Variants in RASGRF2 observed in about 807,000 individuals in gnomAD.
RASGRF2 encodes the protein Ras protein specific guanine nucleotide releasing factor 2.
RASGRF2 carries 76 observed loss-of-function variants against 151.0 expected under a neutral mutation model. That is an observed-to-expected ratio of 0.50 (90% CI 0.42 to 0.61). The LOEUF is 0.61. Ranked by LOEUF, RASGRF2 falls within the 20% of genes least tolerant of loss-of-function variation. RASGRF2 has a pLI of 0.00. For missense variants in RASGRF2, 1,148 were observed against 1,564.6 expected, an observed-to-expected ratio of 0.73 and a Z score of 4.49; for synonymous variants, 504 against 566.5, an observed-to-expected ratio of 0.89 and a Z score of 1.57.
intron 1 of RASGRF2, among the ~76,000 whole-genome samples, chr5:80,983,730 T>C (rs1748386878): frequency 6.6e-6 from 1 of 152,244 alleles, no homozygotes; most frequent in Non-Finnish European, 1.5e-5. Context: ...GTGCTTTGTG[T>C]ATACTTACAC....
Position 81,161,090 on chromosome 5 carries a change from G to C in RASGRF2, c.2687-19085G>C, listed in dbSNP as rs765786434. Among the ~76,000 whole-genome samples the C allele has an allele frequency of 1.1e-3, 161 of 152,126 alleles. 2 individuals carry two copies. The highest frequency in any genetic ancestry group is 2.8e-3 in the Admixed American group (43 of 15,270). ...TAACTTATCTGATGCTGAAGGAATTGTCCATACTTTCTGAGGATTATGTTG... is the reference window on the plus strand; with the variant it reads ...TAACTTATCTGATGCTGAAGGAATTCTCCATACTTTCTGAGGATTATGTTG... On this transcript the variant is annotated intron_variant, in intron 17 of 26. Transcript: ENST00000265080.
In RASGRF2 at chr5:81,131,370, G is replaced by A. The variant is rs73128841; in HGVS notation, c.2686+4207G>A. Among the ~76,000 whole-genome samples the A allele has an allele frequency of 3.9e-3, 599 of 152,008 alleles. 5 individuals carry two copies. Among genetic ancestry groups the A allele is most frequent in the African/African-American group, 0.014 (563 of 41,482 alleles). The stretch of plus-strand genomic sequence containing the variant: ...TGGTTTTCAATCTTTTTGGGGGGTC[G>A]GGGGAACAAAGTCTCGCTTTATCAC... On this transcript the variant is annotated intron_variant, in intron 17 of 26. Coordinates refer to ENST00000265080, the MANE Select transcript of RASGRF2 (RefSeq NM_006909.3).
At chr5:80,974,769 T>C (rs1429279111) in intron 1 of RASGRF2, among the ~76,000 whole-genome samples, 2 of 152,208 alleles carry the variant, frequency 1.3e-5, no homozygotes, top group African/African-American at 4.8e-5. Context: ...ACAAAGACTC[T>C]GTGGCAGCAA....
At chr5:81,005,601 A>G (rs1236023521) in intron 1 of RASGRF2, among the ~76,000 whole-genome samples, 1 of 152,296 alleles carries the variant, frequency 6.6e-6, no homozygotes, top group Admixed American at 6.5e-5. Context: ...AAAAAATCCC[A>G]TTGTATGGAT....
At chr5:81,224,107 T>C (rs997474100) in intron 26 of RASGRF2, among the ~76,000 whole-genome samples, 1 of 152,136 alleles carries the variant, frequency 6.6e-6, no homozygotes, top group Admixed American at 6.6e-5. Context: ...TAAAAGTGTT[T>C]CCATAATCTA....
intron 18 of RASGRF2, among the ~76,000 whole-genome samples, chr5:81,189,711 C>CTTTT (rs369630375): frequency 0.016 from 1,975 of 120,792 alleles, 80 homozygotes; most frequent in African/African-American, 0.04. Context: ...GGCCTATATA[C>CTTTT]TTTTTTTTTT....
At chr5:81,001,295 G>A (rs1749072098) in intron 1 of RASGRF2, among the ~76,000 whole-genome samples, 1 of 152,136 alleles carries the variant, frequency 6.6e-6, no homozygotes, top group South Asian at 2.1e-4. Flanking sequence ...GGTACTAGGA[G>A]CTAATGAGGC....
chr5:81,158,906 C>T (rs915708349), intron 17 of RASGRF2, among the ~76,000 whole-genome samples: 1 of 152,062 alleles, frequency 6.6e-6, no homozygotes, highest in African/African-American at 2.4e-5. Flanking sequence ...ATAAGCTTAC[C>T]GTAGAATCTA....
chr5:81,055,323 G>A (rs1751161252), intron 2 of RASGRF2, among the ~76,000 whole-genome samples: 1 of 152,238 alleles, frequency 6.6e-6, no homozygotes, highest in Non-Finnish European at 1.5e-5. Flanking sequence ...TTTATTGAGA[G>A]TTTTTAGCAT....
intron 1 of RASGRF2, among the ~76,000 whole-genome samples, chr5:80,988,112 A>G (rs1035443804): frequency 1.3e-5 from 2 of 151,070 alleles, no homozygotes; most frequent in African/African-American, 4.9e-5. Flanking sequence ...GTGCAGTGGC[A>G]TGATCTTGGC....
intron 23 of RASGRF2, among the ~76,000 whole-genome samples, chr5:81,213,667 G>A (rs1467912948): frequency 1.3e-5 from 2 of 151,996 alleles, no homozygotes; most frequent in Non-Finnish European, 2.9e-5. Flanking sequence ...CTTTAGCATA[G>A]GAGAACAATT....
At chr5:81,192,474 A>T (rs1368906834) in intron 18 of RASGRF2, among the ~76,000 whole-genome samples, 1 of 152,044 alleles carries the variant, frequency 6.6e-6, no homozygotes, top group Non-Finnish European at 1.5e-5. Context: ...ATGCCAGAAA[A>T]CCCTACCCTT....
At chr5:81,056,466 C>A (rs953203356) in intron 2 of RASGRF2, among the ~76,000 whole-genome samples, 9 of 152,218 alleles carry the variant, frequency 5.9e-5, no homozygotes, top group South Asian at 2.1e-4. Flanking sequence ...CCTGAGTTCT[C>A]GTTTGATTGC....
chr5:81,166,587 G>T (rs554039849), intron 17 of RASGRF2, among the ~76,000 whole-genome samples: 2 of 152,242 alleles, frequency 1.3e-5, no homozygotes, highest in South Asian at 2.1e-4. Flanking sequence ...TGTCACATGT[G>T]AGGGAGTGGC....
chr5:81,034,499 C>A (rs1172721920), intron 1 of RASGRF2, among the ~76,000 whole-genome samples: 1 of 151,918 alleles, frequency 6.6e-6, no homozygotes, highest in African/African-American at 2.4e-5. Context: ...CACATGCACA[C>A]GTATGTTTAT....
chr5:81,191,849 C>T (rs974925520), intron 18 of RASGRF2, among the ~76,000 whole-genome samples: 1 of 152,150 alleles, frequency 6.6e-6, no homozygotes, highest in African/African-American at 2.4e-5. Flanking sequence ...CATTCAAATG[C>T]AGAGTCATTT....
At chr5:80,982,385 G>A (rs1748329955) in intron 1 of RASGRF2, among the ~76,000 whole-genome samples, 1 of 152,038 alleles carries the variant, frequency 6.6e-6, no homozygotes, top group Non-Finnish European at 1.5e-5. Flanking sequence ...TTGTGGTCAG[G>A]GAGGGTTACA....
Position 81,188,828 on chromosome 5 carries a change from G to C in RASGRF2, c.2793+8547G>C, listed in dbSNP as rs184407262. ...AGCAGGTTTCAGTCCCCGCCGTCTG[G>C]CTGCACAGTTTTTGCCGGGAACCCC... is the stretch of plus-strand genomic sequence containing the variant. On this transcript the variant is annotated intron_variant, in intron 18 of 26. Coordinates refer to ENST00000265080, the MANE Select transcript of RASGRF2 (RefSeq NM_006909.3). 1.3e-3 allele frequency among the ~76,000 whole-genome samples: 198 copies of C among 152,276 alleles called. 1 individual carries two copies. Among genetic ancestry groups the C allele is most frequent in the African/African-American group, 4.5e-3 (186 of 41,568 alleles).
intron 2 of RASGRF2, among the ~76,000 whole-genome samples, chr5:81,066,340 C>T (rs1166469569): frequency 6.6e-6 from 1 of 151,722 alleles, no homozygotes; most frequent in African/African-American, 2.4e-5. Flanking sequence ...ACAACACGCA[C>T]GATACAGGTG....
Sources: allele counts gnomAD v4.1 joint callset (sites outside exome capture counted in the v4.1 genomes callset), GRCh38; gene constraint gnomAD v4.1.1; transcripts MANE v1.5; gene names NCBI Gene and HGNC (gene_info 2026-07-23, HGNC 2026-07-21).